Variants in UPK1A observed in about 807,000 individuals in gnomAD.
UPK1A encodes the protein uroplakin 1A.
Under a neutral mutation model 32.3 loss-of-function variants are expected in UPK1A, and 31 were observed. The observed-to-expected ratio is 0.96, with a 90% CI of 0.72 to 1.30. The LOEUF (loss-of-function observed/expected upper bound fraction) is 1.30, where lower values mean the gene tolerates loss of function less well. UPK1A is among the 50% of genes most tolerant of loss of function. The pLI is 0.00. For missense variants in UPK1A, 340 were observed against 357.4 expected (o/e 0.95, Z 0.39); for synonymous variants, 135 against 137.1 (o/e 0.98, Z 0.11).
intron 3 of UPK1A, 30 bp from the exon 4 acceptor site, chr19:35,673,202 C>G (rs750292535): frequency 2.5e-6 from 4 of 1,611,616 alleles, no homozygotes; most frequent in Non-Finnish European, 3.4e-6. Flanking sequence ...GGGCTCTGCC[C>G]GACGGGCCGT....
chr19:35,675,954 G>A, exon 6 of UPK1A: 7 of 1,613,900 alleles, frequency 4.3e-6, no homozygotes, highest in Non-Finnish European at 5.9e-6. Context: ...TCGCCGGACG[G>A]GAAACTTCAT....
chr19:35,673,668 T>G, intron 5 of UPK1A, 123 bp downstream of exon 5: 20 of 801,442 alleles, frequency 2.5e-5, no homozygotes, highest in Non-Finnish European at 3.7e-5. Flanking sequence ...ATGAGATCTC[T>G]AGGAGAGCAG....
chr19:35,666,973 T>C, intron 2 of UPK1A, 77 bp downstream of exon 2: 1 of 1,470,538 alleles, frequency 6.8e-7, no homozygotes, highest in Non-Finnish European at 9.5e-7. Flanking sequence ...GGGTGGGGGA[T>C]GAGGGTCCAG....
intron 3 of UPK1A, among the ~76,000 whole-genome samples, chr19:35,669,327 C>T (rs1412062048): frequency 6.6e-6 from 1 of 151,970 alleles, no homozygotes; most frequent in Non-Finnish European, 1.5e-5. Context: ...CCATACTTCC[C>T]AAGTGTCTCT....
chr19:35,675,730 G>T, intron 5 of UPK1A, 110 bp from the exon 6 acceptor site: 1 of 1,314,016 alleles, frequency 7.6e-7, no homozygotes, highest in Non-Finnish European at 1.0e-6. Context: ...TGGGGAAGTT[G>T]GGCCCAGCTG....
rs928552042 is a variant in UPK1A at position 35,671,705 on chromosome 19, G to A, written c.286-1527G>A. 4.5e-4 allele frequency among the ~76,000 whole-genome samples: 68 copies of A among 150,918 alleles called. 1 individual carries two copies. Among genetic ancestry groups the A allele is most frequent in the Admixed American group, 3.3e-3 (50 of 15,090 alleles). The stretch of plus-strand genomic sequence containing the variant: ...TCTCGATCTCCTGACCTCGTGATCC[G>A]CCCACCTCGGCTTCCCAAAGTGCTG... On this transcript the variant is annotated intron_variant, in intron 3 of 7. Transcript: ENST00000617999.
intron 1 of UPK1A, 105 bp downstream of exon 1, chr19:35,666,643 G>A: frequency 1.6e-6 from 1 of 638,260 alleles, no homozygotes; most frequent in Non-Finnish European, 2.7e-6. Flanking sequence ...GAGCCCGGGT[G>A]TCCTCTTGTG....
intron 2 of UPK1A, chr19:35,668,158 G>C: frequency 2.1e-6 from 1 of 478,220 alleles, no homozygotes; most frequent in Non-Finnish European, 3.9e-6. Flanking sequence ...AGGGAGGGCA[G>C]ATGGACCAAG....
chr19:35,676,378 C>A, intron 6 of UPK1A: 1 of 361,076 alleles, frequency 2.8e-6, no homozygotes. Context: ...TTAGCAGAGA[C>A]GGGGTTTGAC....
chr19:35,670,397 C>A, intron 3 of UPK1A, among the ~76,000 whole-genome samples: 1 of 131,376 alleles, frequency 7.6e-6, no homozygotes, highest in African/African-American at 2.9e-5. Flanking sequence ...CCCTTCCCTC[C>A]CCTCCCCTCT....
At chr19:35,668,688 G>T in intron 3 of UPK1A, 34 bp downstream of exon 3, 1 of 1,580,426 alleles carries the variant, frequency 6.3e-7, no homozygotes. Context: ...TGGGGACACT[G>T]AAAACGGAGT....
chr19:35,675,243 G>T (rs1288467281), intron 5 of UPK1A, among the ~76,000 whole-genome samples: 1 of 151,998 alleles, frequency 6.6e-6, no homozygotes, highest in Non-Finnish European at 1.5e-5. Context: ...TGCCCTTTTT[G>T]TGTTATTTTA....
At chr19:35,666,969 G>T (rs1968008532) in intron 2 of UPK1A, 73 bp downstream of exon 2, 17 of 1,495,476 alleles carry the variant, frequency 1.1e-5, no homozygotes, top group Non-Finnish European at 1.6e-5. Context: ...CTCGGGGTGG[G>T]GGATGAGGGT....
At chr19:35,676,508 T>G (rs1341505447) in intron 6 of UPK1A, among the ~76,000 whole-genome samples, 1 of 151,928 alleles carries the variant, frequency 6.6e-6, no homozygotes, top group Non-Finnish European at 1.5e-5. Context: ...GATTTTCTAG[T>G]GCTCCCCCAA....
intron 3 of UPK1A, among the ~76,000 whole-genome samples, chr19:35,669,797 C>T (rs1000093320): frequency 1.3e-5 from 2 of 152,170 alleles, no homozygotes; most frequent in African/African-American, 4.8e-5. Flanking sequence ...CCCAGGTGAC[C>T]AGGAGAGCAG....
At chr19:35,674,149 G>A (rs566838062) in intron 5 of UPK1A, among the ~76,000 whole-genome samples, 2 of 151,446 alleles carry the variant, frequency 1.3e-5, no homozygotes, top group African/African-American at 4.8e-5. Context: ...GGATTGGAGC[G>A]ATTCTCCCAC....
At chr19:35,674,383 A>C (rs1297497431) in intron 5 of UPK1A, among the ~76,000 whole-genome samples, 1 of 151,010 alleles carries the variant, frequency 6.6e-6, no homozygotes, top group Non-Finnish European at 1.5e-5. Flanking sequence ...AATAGCTGGG[A>C]CTACAGGCGC....
chr19:35,668,089 A>G, intron 2 of UPK1A: 1 of 328,812 alleles, frequency 3.0e-6, no homozygotes, highest in Non-Finnish European at 5.8e-6. Flanking sequence ...TGCCTGGCCC[A>G]TTTGTAATGT....
At chr19:35,666,735 A>G in intron 1 of UPK1A, 74 bp from the exon 2 acceptor site, 1 of 1,474,792 alleles carries the variant, frequency 6.8e-7, no homozygotes, top group Non-Finnish European at 9.4e-7. Context: ...CCTCGAAGCC[A>G]GGGTGTGGCT....
Sources: gnomAD v4.1 joint callset for allele counts (sites outside exome capture counted in the v4.1 genomes callset) on GRCh38, gnomAD v4.1.1 for gene constraint, MANE v1.5 for transcripts, NCBI Gene and HGNC (gene_info 2026-07-23, HGNC 2026-07-21) for gene names.